EDARADD: variants seen among roughly 807,000 people sequenced by gnomAD.
The protein encoded by EDARADD is EDAR associated via death domain, also known as ectodysplasin-A receptor-associated adapter protein.
EDARADD carries 20 observed loss-of-function variants against 25.6 expected under a neutral mutation model. The observed-to-expected ratio is 0.78, with a 90% CI of 0.55 to 1.14. The LOEUF is 1.14. Ranked by LOEUF, EDARADD falls within the 50% of genes most tolerant of loss-of-function variation. The probability of loss-of-function intolerance (pLI) is 0.00; values close to 1 mark genes in which losing one functional copy is unlikely to be tolerated. For synonymous variants in EDARADD, 86 were observed against 94.4 expected, an observed-to-expected ratio of 0.91 and a Z score of 0.52; for missense variants, 225 against 270.1, an observed-to-expected ratio of 0.83 and a Z score of 1.17.
At chr1:236,417,966 T>TTC (rs1384362174) in intron 3 of EDARADD, among the ~76,000 whole-genome samples, 1 of 151,474 alleles carries the variant, frequency 6.6e-6, no homozygotes, top group African/African-American at 2.4e-5. Context: ...TTTTTTCTTT[T>TTC]TTTTTGAGAC....
rs555480713 is a variant in EDARADD, at chr1:236,483,994, C to A, written c.*1345C>A. On this transcript the variant is annotated 3_prime_UTR_variant, in exon 6 of 6. Transcript: ENST00000334232. Reference sequence around the variant, plus strand: ...AGGTACATCTCACCTGACTGTCTGGCTGACCTGTACAAGTCCTTCATCAAA... The same window carrying A: ...AGGTACATCTCACCTGACTGTCTGGATGACCTGTACAAGTCCTTCATCAAA... The A allele has an allele frequency of 1.4e-6, 2 of 1,402,254 alleles. No individual in the cohort carries two copies. The highest frequency in any genetic ancestry group is 1.4e-5 in the African/African-American group (1 of 70,898). 86.9% of individuals were successfully genotyped at this position (1,402,254 alleles called of 1,614,324 possible).
At chr1:236,454,393 C>A (rs539509696) in intron 4 of EDARADD, among the ~76,000 whole-genome samples, 1 of 152,170 alleles carries the variant, frequency 6.6e-6, no homozygotes, top group Admixed American at 6.6e-5. Context: ...TCTTTGACCC[C>A]TCACACACCG....
At chr1:236,389,631 A>G (rs563195129), upstream of EDARADD, among the ~76,000 whole-genome samples, 207 of 152,336 alleles carry the variant, frequency 1.4e-3, no homozygotes, top group Non-Finnish European at 2.1e-3. Context: ...ACATTTTGGA[A>G]TAAAACTTTC....
At chr1:236,377,122 T>A (rs1667233205) in intron 3 of EDARADD, among the ~76,000 whole-genome samples, 1 of 147,070 alleles carries the variant, frequency 6.8e-6, no homozygotes, top group African/African-American at 2.5e-5. Context: ...ATATATATAT[T>A]TTATATATAT....
At position 236,395,769 on chromosome 1, in the gene EDARADD, C is replaced by G. The variant is rs1472936818; in HGVS notation, c.61+1264C>G. ...CTATCGAGGCCGGGCCTCGGCGACC[C>G]CCGAGGGAGGCCCGGGAACCACCCC... is the stretch of plus-strand genomic sequence containing the variant. On this transcript the variant is annotated intron_variant, in intron 1 of 5. Coordinates refer to ENST00000334232, the MANE Select transcript of EDARADD (RefSeq NM_145861.4). The surrounding 1 kb of genome is among the most constrained non-coding windows in gnomAD (Gnocchi z 6.9). The G allele has an allele frequency of 7.9e-7, 1 of 1,265,148 alleles. No homozygotes were observed. The allele number at this position is 1,265,148 out of a possible 1,614,324, so 78.4% of individuals were successfully genotyped here. A position where few individuals can be genotyped will look rare whatever the true frequency, so the allele number is the denominator to read the frequency against.
At chr1:236,459,782 T>G (rs1658989734) in intron 4 of EDARADD, among the ~76,000 whole-genome samples, 1 of 151,880 alleles carries the variant, frequency 6.6e-6, no homozygotes, top group Admixed American at 6.6e-5. Context: ...CCAGCCAATT[T>G]TTTGTATTTT....
rs1383155695 is a variant in EDARADD at position 236,409,273 on chromosome 1, T to C, written c.119T>C (p.Met40Thr). Residue 40 changes from methionine (M) to threonine (T), a missense_variant and splice_region_variant, in exon 2 of 6, where the codon ATG becomes ACG. Coordinates refer to ENST00000334232, the MANE Select transcript of EDARADD (RefSeq NM_145861.4). ...DTDPSTLSFN[M>T]SDKYPIQDTE... ...GACCCTAGCACTTTATCCTTTAATA[T>C]GGTAGGTGACAAATTTTACACTAAT... The C allele has an allele frequency of 3.7e-6, 6 of 1,610,244 alleles. No individual in the cohort carries two copies. Among genetic ancestry groups the C allele is most frequent in the Admixed American group, 3.3e-5 (2 of 59,970 alleles).
At chr1:236,399,782 G>GC (rs1667583693) in intron 1 of EDARADD, among the ~76,000 whole-genome samples, 1 of 152,248 alleles carries the variant, frequency 6.6e-6, no homozygotes, top group African/African-American at 2.4e-5. Flanking sequence ...TTGCAGTAAG[G>GC]CAAGTGCCGA....
At chr1:236,381,215 A>G (rs1211554693) in intron 3 of EDARADD, among the ~76,000 whole-genome samples, 1 of 152,112 alleles carries the variant, frequency 6.6e-6, no homozygotes, top group Non-Finnish European at 1.5e-5. Context: ...CAGCATAACT[A>G]TTTTGAGATT....
chr1:236,427,282 G>A, intron 3 of EDARADD, 110 bp from the exon 4 acceptor site: 3 of 1,052,888 alleles, frequency 2.8e-6, no homozygotes, highest in Non-Finnish European at 4.2e-6. Flanking sequence ...TTTACCAGAT[G>A]CCAAGGCAGC....
chr1:236,436,566 G>A (rs1658257428), intron 4 of EDARADD, among the ~76,000 whole-genome samples: 1 of 139,324 alleles, frequency 7.2e-6, no homozygotes, highest in Non-Finnish European at 1.5e-5. Flanking sequence ...GGTTGAGGCT[G>A]CAGTGAGCCG....
intron 5 of EDARADD, among the ~76,000 whole-genome samples, chr1:236,480,375 A>C (rs560166279): frequency 5.3e-5 from 8 of 152,158 alleles, no homozygotes; most frequent in Non-Finnish European, 1.5e-5. Context: ...CCGTGATAAC[A>C]ATGTTTATGT....
chr1:236,428,596 G>A (rs372968330), intron 4 of EDARADD, among the ~76,000 whole-genome samples: 1 of 151,518 alleles, frequency 6.6e-6, no homozygotes, highest in East Asian at 1.9e-4. Context: ...GGGCAGAGGC[G>A]CTCCCCACAT....
At chr1:236,435,807 C>T (rs958532681) in intron 4 of EDARADD, among the ~76,000 whole-genome samples, 1 of 152,008 alleles carries the variant, frequency 6.6e-6, no homozygotes, top group African/African-American at 2.4e-5. Context: ...GGGGATAATA[C>T]GTGGGATGTT....
Position 236,475,088 on chromosome 1 carries a change from G to A in EDARADD, c.265+6812G>A, listed in dbSNP as rs887698879. ...GCAGAGGTTGCAGTGAGCCGAGATCGCCCCATTGCACTCCAGCCTGGGCAA... is the reference window on the plus strand; with the variant it reads ...GCAGAGGTTGCAGTGAGCCGAGATCACCCCATTGCACTCCAGCCTGGGCAA... On this transcript the variant is annotated intron_variant, in intron 5 of 5. Transcript: ENST00000334232. Among the ~76,000 whole-genome samples, 5 of 151,968 alleles carry A rather than the reference G, an allele frequency of 3.3e-5. No individual in the cohort carries two copies. The East Asian group carries it at 7.7e-4, about 23-fold the overall frequency.
rs565419085 is a variant in EDARADD at position 236,395,386 on chromosome 1, C to T, written c.61+881C>T. 31 of 1,398,282 alleles carry T rather than the reference C, an allele frequency of 2.2e-5. No homozygotes were observed. The African/African-American group carries it at 4.6e-4, about 21-fold the overall frequency. The allele number at this position is 1,398,282 out of a possible 1,614,324, so 86.6% of individuals were successfully genotyped here. ...CGCCCCGCGCCTCTGGAGGGAGGTA[C>T]CGAGGGACGCGCAGCGAAGGGGCTT... On this transcript the variant is annotated intron_variant, in intron 1 of 5. Coordinates refer to ENST00000334232, the MANE Select transcript of EDARADD (RefSeq NM_145861.4). This position sits in a 1 kb window ranked among gnomAD's most constrained non-coding sequence, Gnocchi z 6.9.
chr1:236,477,382 G>A (rs955550028), intron 5 of EDARADD, among the ~76,000 whole-genome samples: 37 of 152,086 alleles, frequency 2.4e-4, no homozygotes, highest in Non-Finnish European at 1.8e-4. Context: ...GGGCGTGGTG[G>A]CAGGCGCCTG....
chr1:236,395,377 A>C lies in EDARADD; in HGVS notation c.61+872A>C. ...CCCGGCTCCCGCCCCGCGCCTCTGG[A>C]GGGAGGTACCGAGGGACGCGCAGCG... On this transcript the variant is annotated intron_variant, in intron 1 of 5. Coordinates refer to ENST00000334232, the MANE Select transcript of EDARADD (RefSeq NM_145861.4). This position sits in a 1 kb window ranked among gnomAD's most constrained non-coding sequence, Gnocchi z 6.9. 1.5e-6 allele frequency: 2 copies of C among 1,364,368 alleles called. No individual in the cohort carries two copies. The highest frequency in any genetic ancestry group is 1.9e-6 in the Non-Finnish European group (2 of 1,056,520). 84.5% of individuals were successfully genotyped at this position (1,364,368 alleles called of 1,614,324 possible).
chr1:236,380,808 T>G (rs1260585768), intron 3 of EDARADD, among the ~76,000 whole-genome samples: 3 of 152,162 alleles, frequency 2.0e-5, no homozygotes, highest in South Asian at 4.1e-4. Flanking sequence ...ACTGCAGCCT[T>G]GAACTCCTGG....
Sources: allele counts gnomAD v4.1 joint callset (sites outside exome capture counted in the v4.1 genomes callset), GRCh38; gene constraint gnomAD v4.1.1; non-coding constraint Gnocchi (gnomAD v3.1); transcripts MANE v1.5; gene names NCBI Gene and HGNC (gene_info 2026-07-23, HGNC 2026-07-21).